The following RBFOX3 variants were observed in gnomAD, a reference collection of about 807,000 sequenced individuals.
RBFOX3 encodes the protein RNA binding protein fox-1 homolog 3.
RBFOX3 carries 17 observed loss-of-function variants against 48.7 expected under a neutral mutation model. The ratio of observed to expected loss-of-function variants is 0.35; its 90% CI spans 0.24 to 0.52. RBFOX3 has a LOEUF of 0.52. RBFOX3 is among the 20% of genes least tolerant of loss of function. RBFOX3 has a pLI of 0.94. For missense variants in RBFOX3, 382 were observed against 497.5 expected (o/e 0.77, Z 2.21); for synonymous variants, 212 against 209.5 (o/e 1.01, Z -0.10).
intron 1 of RBFOX3, among the ~76,000 whole-genome samples, chr17:79,575,464 G>A (rs1229350891): frequency 2.6e-5 from 4 of 152,136 alleles, no homozygotes; most frequent in Non-Finnish European, 4.4e-5. Context: ...GCTGGGGGAC[G>A]GACCTCATGC....
chr17:79,608,840 G>A (rs1018196359), intron 1 of RBFOX3, among the ~76,000 whole-genome samples: 134 of 152,292 alleles, frequency 8.8e-4, no homozygotes, highest in African/African-American at 3.1e-3. Context: ...GGCCAGCCTC[G>A]GTCCTCGGCC....
At chr17:79,136,935 C>T (rs1305972139) in intron 4 of RBFOX3, among the ~76,000 whole-genome samples, 1 of 152,124 alleles carries the variant, frequency 6.6e-6, no homozygotes, top group Non-Finnish European at 1.5e-5. Context: ...AAGAAGGAGG[C>T]TCCATCCCAG....
intron 2 of RBFOX3, among the ~76,000 whole-genome samples, chr17:79,449,547 G>A (rs1555740241): frequency 6.6e-6 from 1 of 151,612 alleles, no homozygotes; most frequent in South Asian, 2.1e-4. Context: ...TTGCATAATT[G>A]CCAATTAAGG....
intron 1 of RBFOX3, among the ~76,000 whole-genome samples, chr17:79,507,329 T>C (rs1184350748): frequency 6.6e-6 from 1 of 152,100 alleles, no homozygotes; most frequent in East Asian, 1.9e-4. Flanking sequence ...GACCCCTGTC[T>C]CCTCTCAGCA....
intron 4 of RBFOX3, among the ~76,000 whole-genome samples, chr17:79,135,684 A>G (rs577634350): frequency 6.6e-6 from 1 of 152,190 alleles, no homozygotes; most frequent in East Asian, 1.9e-4. Flanking sequence ...TTCCTTGCCA[A>G]CCTTTCCCCA....
At chr17:79,147,558 G>C (rs1331663329) in intron 4 of RBFOX3, among the ~76,000 whole-genome samples, 2 of 152,180 alleles carry the variant, frequency 1.3e-5, no homozygotes, top group Non-Finnish European at 2.9e-5. Context: ...ATTGGGGAGG[G>C]GGGGGGCTCA....
chr17:79,310,901 G>A (rs957413254), intron 2 of RBFOX3, among the ~76,000 whole-genome samples: 10 of 152,200 alleles, frequency 6.6e-5, no homozygotes, highest in East Asian at 1.9e-4. Context: ...AGTGTTATGC[G>A]TCCACTTGGC....
rs1162614866 is a variant in RBFOX3 at position 79,243,875 on chromosome 17, C to T, written c.-73-8070G>A. On this transcript the variant is annotated intron_variant, in intron 3 of 14. Transcript: ENST00000693108. This position sits in a 1 kb window ranked among gnomAD's most constrained non-coding sequence, Gnocchi z 7.9. The stretch of plus-strand genomic sequence containing the variant: ...ATGGCAGTGGAGGAGACAGAGACCC[C>T]ACTGAGGATGCAGAAATGGCCTGCG... Among the ~76,000 whole-genome samples the T allele has an allele frequency of 2.0e-5, 3 of 152,060 alleles. No individual in the cohort carries two copies. In the East Asian group the frequency reaches 5.8e-4, roughly 29 times the overall value.
intron 2 of RBFOX3, among the ~76,000 whole-genome samples, chr17:79,401,717 G>A (rs2062832613): frequency 7.2e-5 from 11 of 152,174 alleles, no homozygotes; most frequent in Admixed American, 7.2e-4. Context: ...TTCCTACATG[G>A]GGCGTCCTCT....
intron 1 of RBFOX3, among the ~76,000 whole-genome samples, chr17:79,498,184 T>C (rs569652848): frequency 2.8e-4 from 43 of 152,352 alleles, no homozygotes; most frequent in African/African-American, 9.1e-4. Flanking sequence ...GGGCCAGTTT[T>C]GGCCTTCAGT....
chr17:79,407,072 A>G (rs920845869), intron 2 of RBFOX3, among the ~76,000 whole-genome samples: 3 of 152,208 alleles, frequency 2.0e-5, no homozygotes, highest in African/African-American at 7.2e-5. Flanking sequence ...TGCCATGGCA[A>G]TCTTGGCTCA....
intron 2 of RBFOX3, among the ~76,000 whole-genome samples, chr17:79,308,631 A>G (rs1022026282): frequency 6.6e-6 from 1 of 152,116 alleles, no homozygotes; most frequent in Admixed American, 6.5e-5. Context: ...TGGTATTTGA[A>G]GGTGGGGCCT....
intron 11 of RBFOX3, 53 bp from the exon 12 acceptor site, chr17:79,096,886 C>A: frequency 1.6e-6 from 1 of 629,134 alleles, no homozygotes; most frequent in South Asian, 1.9e-5. Context: ...AACTTTCTCC[C>A]ACAAACCCCG....
At chr17:79,372,828 G>A (rs1218605910) in intron 2 of RBFOX3, among the ~76,000 whole-genome samples, 1 of 152,244 alleles carries the variant, frequency 6.6e-6, no homozygotes, top group Non-Finnish European at 1.5e-5. Flanking sequence ...CTGGCCGCAG[G>A]TGTGCTGGGG....
intron 2 of RBFOX3, among the ~76,000 whole-genome samples, chr17:79,405,483 C>G (rs1337688760): frequency 6.6e-6 from 1 of 151,980 alleles, no homozygotes; most frequent in Non-Finnish European, 1.5e-5. Context: ...TGGCTTTATC[C>G]TGCACTTTGG....
intron 2 of RBFOX3, among the ~76,000 whole-genome samples, chr17:79,385,498 T>C (rs1034311762): frequency 6.6e-6 from 1 of 151,966 alleles, no homozygotes; most frequent in African/African-American, 2.4e-5. Flanking sequence ...GGAGGGGCTG[T>C]GCCTGTTCCT....
chr17:79,106,015 G>A (rs960000696), intron 6 of RBFOX3, among the ~76,000 whole-genome samples: 2 of 152,172 alleles, frequency 1.3e-5, no homozygotes, highest in African/African-American at 4.8e-5. Flanking sequence ...ACGTTCTCAC[G>A]GTGACCCCAC....
intron 1 of RBFOX3, among the ~76,000 whole-genome samples, chr17:79,490,776 A>G (rs2080371726): frequency 6.6e-6 from 1 of 151,044 alleles, no homozygotes. Context: ...GAGGCAGGGT[A>G]TGGGCTCCTA....
intron 1 of RBFOX3, among the ~76,000 whole-genome samples, chr17:79,587,155 C>T (rs1185580060): frequency 6.6e-6 from 1 of 152,180 alleles, no homozygotes; most frequent in African/African-American, 2.4e-5. Flanking sequence ...GACCACACAC[C>T]CTGTGGTGCC....
Sources: gnomAD v4.1 joint callset for allele counts (sites outside exome capture counted in the v4.1 genomes callset) on GRCh38, gnomAD v4.1.1 for gene constraint, Gnocchi (gnomAD v3.1) non-coding constraint, MANE v1.5 for transcripts, NCBI Gene and HGNC (gene_info 2026-07-23, HGNC 2026-07-21) for gene names.